HPSE2: variants seen among roughly 807,000 people sequenced by gnomAD.
The protein encoded by HPSE2 is inactive heparanase-2.
A neutral mutation model predicts 60.5 loss-of-function variants in HPSE2; 38 were observed. The observed-to-expected ratio is 0.63, with a 90% CI of 0.48 to 0.82. The LOEUF is 0.82. Among genes scored for constraint, HPSE2 ranks in the 40% least tolerant of loss-of-function variants. The pLI is 0.00. For missense variants in HPSE2, 713 were observed against 740.4 expected, an observed-to-expected ratio of 0.96 and a Z score of 0.43; for synonymous variants, 295 against 293.2, an observed-to-expected ratio of 1.01 and a Z score of -0.06.
At chr10:98,598,214 A>G (rs1478319727) in intron 9 of HPSE2, among the ~76,000 whole-genome samples, 1 of 152,138 alleles carries the variant, frequency 6.6e-6, no homozygotes, top group African/African-American at 2.4e-5. Flanking sequence ...TATTTGCTGC[A>G]GAGTGGCTTT....
chr10:98,527,283 T>C (rs1942996328), intron 9 of HPSE2, among the ~76,000 whole-genome samples: 1 of 152,180 alleles, frequency 6.6e-6, no homozygotes, highest in Non-Finnish European at 1.5e-5. Context: ...ATTATATCAG[T>C]TCCTTGTAAA....
chr10:99,291,658 A>T, the HPSE2 span, among the ~76,000 whole-genome samples: 1 of 151,692 alleles, frequency 6.6e-6, no homozygotes, highest in Non-Finnish European at 1.5e-5. Context: ...TTGGCATCCT[A>T]TCTCGTTTTT....
intron 2 of HPSE2, among the ~76,000 whole-genome samples, chr10:99,178,155 A>C (rs1410904625): frequency 6.6e-6 from 1 of 151,972 alleles, no homozygotes; most frequent in Non-Finnish European, 1.5e-5. Context: ...AAATGCCCAC[A>C]GGAGAAAGTG....
intron 2 of HPSE2, among the ~76,000 whole-genome samples, chr10:99,149,967 TTTG>T (rs1181359669): frequency 2.0e-5 from 3 of 152,034 alleles, no homozygotes; most frequent in African/African-American, 7.2e-5. Flanking sequence ...ACAGATGTTC[TTTG>T]TTGTTATGTA....
intron 2 of HPSE2, among the ~76,000 whole-genome samples, chr10:99,174,633 T>G (rs922405279): frequency 6.6e-6 from 1 of 152,228 alleles, no homozygotes. Context: ...TTTGTACTTA[T>G]GGAACTACTA....
At chr10:98,972,369 T>C (rs373977585) in intron 3 of HPSE2, among the ~76,000 whole-genome samples, 15 of 152,150 alleles carry the variant, frequency 9.9e-5, no homozygotes, top group African/African-American at 3.1e-4. Flanking sequence ...GGAAGCTTTG[T>C]TGAAAAAAAA....
the HPSE2 span, among the ~76,000 whole-genome samples, chr10:99,259,838 T>C: frequency 1.3e-5 from 2 of 152,164 alleles, no homozygotes; most frequent in African/African-American, 2.4e-5. Context: ...TAGATTCTCA[T>C]AGGACCCTAA....
intron 3 of HPSE2, among the ~76,000 whole-genome samples, chr10:99,082,413 T>G (rs1488439686): frequency 1.3e-5 from 2 of 152,204 alleles, no homozygotes; most frequent in Non-Finnish European, 2.9e-5. Context: ...ATATCTTTGT[T>G]AAGGCTGAGC....
chr10:98,528,245 C>T lies in HPSE2; in HGVS notation c.1321-38049G>A, dbSNP rs632171. On this transcript the variant is annotated intron_variant, in intron 9 of 11. Transcript: ENST00000370552. Reference sequence around the variant, plus strand: ...CCCTGACAGCCTCCCAGCAGGCACTCCCTGCTCAGCCAGAGCCACTCATCA... The same window carrying T: ...CCCTGACAGCCTCCCAGCAGGCACTTCCTGCTCAGCCAGAGCCACTCATCA... Among the ~76,000 whole-genome samples the T allele has an allele frequency of 6.8e-3, 1,038 of 152,234 alleles. 2 individuals are homozygous for T. Among genetic ancestry groups the T allele is most frequent in the Non-Finnish European group, 0.011 (752 of 68,006 alleles).
At chr10:99,239,506 T>C (rs1482736888), upstream of HPSE2, among the ~76,000 whole-genome samples, 1 of 136,694 alleles carries the variant, frequency 7.3e-6, no homozygotes, top group African/African-American at 2.7e-5. Context: ...CTCGGCTCAC[T>C]GCAACCTCCA....
At chr10:98,505,981 G>A (rs549516365) in intron 9 of HPSE2, among the ~76,000 whole-genome samples, 10 of 151,622 alleles carry the variant, frequency 6.6e-5, no homozygotes, top group East Asian at 1.9e-4. Context: ...TTTGTTAATC[G>A]TTAGTCTTTG....
chr10:98,565,871 G>A (rs199499998), intron 9 of HPSE2, among the ~76,000 whole-genome samples: 2 of 131,778 alleles, frequency 1.5e-5, no homozygotes, highest in Non-Finnish European at 3.4e-5. Context: ...CATCATTATT[G>A]TTGTTTTGCC....
chr10:99,157,550 T>G (rs1233043238), intron 2 of HPSE2, among the ~76,000 whole-genome samples: 2 of 129,750 alleles, frequency 1.5e-5, no homozygotes, highest in African/African-American at 5.2e-5. Flanking sequence ...GCTAGCCATA[T>G]GTAGAAAGCT....
chr10:99,189,534 A>G lies in HPSE2; in HGVS notation c.448+42814T>C, dbSNP rs2133856083. On this transcript the variant is annotated intron_variant, in intron 2 of 11. Transcript: ENST00000370552. Reference sequence around the variant, plus strand: ...TTGAAATTCTAATAAAGTGCTCTCTACTGCAAAGTTTGTGTATATGGGAGC... The same window carrying G: ...TTGAAATTCTAATAAAGTGCTCTCTGCTGCAAAGTTTGTGTATATGGGAGC... Among the ~76,000 whole-genome samples the G allele has an allele frequency of 2.0e-5, 3 of 152,322 alleles. No individual in the cohort carries two copies. In the South Asian group the frequency reaches 6.2e-4, roughly 32 times the overall value.
At chr10:99,211,339 A>G (rs908448551) in intron 2 of HPSE2, among the ~76,000 whole-genome samples, 85 of 152,164 alleles carry the variant, frequency 5.6e-4, no homozygotes, top group Non-Finnish European at 1.1e-3. Context: ...TATTTTTCAT[A>G]GATTTAGAAA....
chr10:99,080,058 A>T (rs1392371117), intron 3 of HPSE2, among the ~76,000 whole-genome samples: 2 of 152,168 alleles, frequency 1.3e-5, no homozygotes, highest in Non-Finnish European at 2.9e-5. Flanking sequence ...GGCTGGTTTC[A>T]CACTCACCCA....
chr10:98,518,939 A>G (rs1365577953), intron 9 of HPSE2, among the ~76,000 whole-genome samples: 1 of 152,216 alleles, frequency 6.6e-6, no homozygotes, highest in Non-Finnish European at 1.5e-5. Flanking sequence ...TCCAAGACAG[A>G]TAAGACAGAA....
chr10:98,526,497 C>A (rs1248886594), intron 9 of HPSE2, among the ~76,000 whole-genome samples: 2 of 152,174 alleles, frequency 1.3e-5, no homozygotes, highest in Admixed American at 6.5e-5. Flanking sequence ...TATGGGGAAG[C>A]AGCCTTATTC....
At chr10:99,078,511 A>T (rs907126812) in intron 3 of HPSE2, among the ~76,000 whole-genome samples, 2 of 152,224 alleles carry the variant, frequency 1.3e-5, no homozygotes, top group Admixed American at 6.5e-5. Context: ...ACCCCAAAAA[A>T]GTCTGCATAT....
Sources: allele counts gnomAD v4.1 joint callset (sites outside exome capture counted in the v4.1 genomes callset), GRCh38; gene constraint gnomAD v4.1.1; transcripts MANE v1.5; gene names NCBI Gene and HGNC (gene_info 2026-07-23, HGNC 2026-07-21).